Variants in QKI observed in about 807,000 individuals in gnomAD.
QKI encodes the protein KH domain-containing RNA-binding protein QKI.
A neutral mutation model predicts 39.0 loss-of-function variants in QKI; 10 were observed. The ratio of observed to expected loss-of-function variants is 0.26; its 90% CI spans 0.16 to 0.43. The LOEUF (loss-of-function observed/expected upper bound fraction) is 0.43. Among genes scored for constraint, QKI ranks in the 20% least tolerant of loss-of-function variants. The pLI is 1.00. For synonymous variants in QKI, 204 were observed against 155.4 expected, an observed-to-expected ratio of 1.31 and a Z score of -2.33; for missense variants, 218 against 428.0, an observed-to-expected ratio of 0.51 and a Z score of 4.33.
intron 2 of QKI, among the ~76,000 whole-genome samples, chr6:163,460,984 T>C (rs1791309945): frequency 6.6e-6 from 1 of 152,212 alleles, no homozygotes; most frequent in Admixed American, 6.5e-5. Flanking sequence ...TTAGTACATA[T>C]TTGTATTCAG....
intron 4 of QKI, among the ~76,000 whole-genome samples, chr6:163,535,351 G>T (rs1427702173): frequency 6.6e-6 from 1 of 152,050 alleles, no homozygotes; most frequent in African/African-American, 2.4e-5. Flanking sequence ...GTGACGTCGC[G>T]TAAGAAATTA....
At chr6:163,437,554 C>T (rs988759054) in intron 1 of QKI, among the ~76,000 whole-genome samples, 1 of 152,100 alleles carries the variant, frequency 6.6e-6, no homozygotes, top group Non-Finnish European at 1.5e-5. Context: ...CTGGAAAACA[C>T]CTGAAGTAAT....
chr6:163,509,808 G>A (rs1340774921), intron 3 of QKI, among the ~76,000 whole-genome samples: 1 of 152,094 alleles, frequency 6.6e-6, no homozygotes. Flanking sequence ...TAGAAAAACA[G>A]TAGTAAAAAT....
At chr6:163,555,619 C>A (rs1445998375) in intron 4 of QKI, among the ~76,000 whole-genome samples, 1 of 3,740 alleles carries the variant, frequency 2.7e-4, no homozygotes, top group Non-Finnish European at 4.0e-4. Context: ...GAGGAAAGTA[C>A]CAGGTCTACT....
At chr6:163,567,993 G>C (rs562384445) in intron 7 of QKI, 1 of 985,388 alleles carries the variant, frequency 1.0e-6, no homozygotes, top group African/African-American at 1.7e-5. Context: ...CATAAAGAAC[G>C]TTGAAGACTT....
chr6:163,415,369 C>T (rs373209224), intron 1 of QKI, 34 bp downstream of exon 1: 359 of 1,563,084 alleles, frequency 2.3e-4, no homozygotes, highest in Non-Finnish European at 3.0e-4. Flanking sequence ...CCCGGCCCGA[C>T]CCCCGCCGGG....
At chr6:163,488,690 T>C (rs1583079374) in intron 3 of QKI, among the ~76,000 whole-genome samples, 1 of 152,162 alleles carries the variant, frequency 6.6e-6, no homozygotes, top group East Asian at 1.9e-4. Flanking sequence ...CAAGTTACCA[T>C]CTCTTAAAGC....
intron 1 of QKI, among the ~76,000 whole-genome samples, chr6:163,444,301 G>A (rs186342352): frequency 5.3e-5 from 8 of 152,226 alleles, no homozygotes; most frequent in Admixed American, 2.0e-4. Context: ...TGCTCATTTC[G>A]CAGATGAAGA....
At chr6:163,501,025 G>A (rs1394020783) in intron 3 of QKI, among the ~76,000 whole-genome samples, 1 of 152,014 alleles carries the variant, frequency 6.6e-6, no homozygotes, top group African/African-American at 2.4e-5. Flanking sequence ...TCAGTCAAAT[G>A]GTTGGAATAT....
At chr6:163,447,209 TTTA>T (rs1303404675) in intron 1 of QKI, among the ~76,000 whole-genome samples, 4 of 151,832 alleles carry the variant, frequency 2.6e-5, no homozygotes, top group Non-Finnish European at 4.4e-5. Flanking sequence ...TTTCTTTATT[TTTA>T]TTGATAGATA....
At chr6:163,467,369 G>A (rs1453604491) in intron 2 of QKI, among the ~76,000 whole-genome samples, 1 of 152,212 alleles carries the variant, frequency 6.6e-6, no homozygotes, top group African/African-American at 2.4e-5. Flanking sequence ...GAACTCATAT[G>A]TTTAGAACTT....
At chr6:163,492,400 C>T (rs2128228709) in intron 3 of QKI, among the ~76,000 whole-genome samples, 1 of 152,082 alleles carries the variant, frequency 6.6e-6, no homozygotes, top group South Asian at 2.1e-4. Context: ...TTTTAAATCA[C>T]AGGTTGTTAT....
chr6:163,467,656 T>A (rs1417487041), intron 2 of QKI, among the ~76,000 whole-genome samples: 1 of 152,244 alleles, frequency 6.6e-6, no homozygotes, highest in Non-Finnish European at 1.5e-5. Context: ...TAATTATATT[T>A]TATAAATTAG....
chr6:163,428,538 TAAA>T (rs977846082), intron 1 of QKI, among the ~76,000 whole-genome samples: 3 of 152,112 alleles, frequency 2.0e-5, no homozygotes, highest in African/African-American at 7.2e-5. Context: ...TTATCAGCAG[TAAA>T]AAAGATAGTC....
At chr6:163,502,333 AAAAC>A (rs542259826) in intron 3 of QKI, among the ~76,000 whole-genome samples, 94 of 152,206 alleles carry the variant, frequency 6.2e-4, no homozygotes, top group East Asian at 1.4e-3. Context: ...AAAACAAAAC[AAAAC>A]AAACAAACAA....
At chr6:163,487,689 A>G (rs1035458281) in intron 3 of QKI, among the ~76,000 whole-genome samples, 2 of 151,988 alleles carry the variant, frequency 1.3e-5, no homozygotes, top group Admixed American at 1.3e-4. Context: ...TTTAACATTT[A>G]TCTCTGTTCC....
At chr6:163,514,870 T>A (rs2321701) in intron 3 of QKI, among the ~76,000 whole-genome samples, 99,125 of 152,032 alleles carry the variant, frequency 0.65, 33,479 homozygotes, top group East Asian at 1. Context: ...AGAAAACTTA[T>A]AAAGGAATAT....
Position 163,561,944 on chromosome 6 carries a change from T to C in QKI, c.547-38T>C, listed in dbSNP as rs1313976208. 7 of 1,498,292 alleles carry C rather than the reference T, an allele frequency of 4.7e-6. No homozygotes were observed. The Admixed American group carries it at 7.1e-5, about 15-fold the overall frequency. The allele number at this position is 1,498,292 out of a possible 1,614,324, so 92.8% of individuals were successfully genotyped here. A position where few individuals can be genotyped will look rare whatever the true frequency, so the allele number is the denominator to read the frequency against. ...ATATAGCTATTATATTTGTGGACAG[T>C]CTCAAATGCTTTCATCTCATGTGTT... On this transcript the variant is annotated intron_variant, in intron 4 of 7. Transcript: ENST00000361752.
At chr6:163,557,732 A>G (rs1166519833) in intron 4 of QKI, among the ~76,000 whole-genome samples, 2 of 152,174 alleles carry the variant, frequency 1.3e-5, no homozygotes, top group Non-Finnish European at 2.9e-5. Flanking sequence ...ATTTACCCTG[A>G]TGTGATTAAT....
Sources: gnomAD v4.1 joint callset for allele counts (sites outside exome capture counted in the v4.1 genomes callset) on GRCh38, gnomAD v4.1.1 for gene constraint, MANE v1.5 for transcripts, NCBI Gene and HGNC (gene_info 2026-07-23, HGNC 2026-07-21) for gene names.